ARID1B: variants seen among roughly 807,000 people sequenced by gnomAD.
ARID1B encodes AT-rich interactive domain-containing protein 1B.
A neutral mutation model predicts 212.3 loss-of-function variants in ARID1B; 30 were observed. That is an observed-to-expected ratio of 0.14 (90% CI 0.11 to 0.19). The LOEUF (loss-of-function observed/expected upper bound fraction) is 0.19, where lower values mean the gene tolerates loss of function less well. Among genes scored for constraint, ARID1B ranks in the 10% least tolerant of loss-of-function variants. The pLI is 1.00. For synonymous variants in ARID1B, 1,402 were observed against 1,301.7 expected, an observed-to-expected ratio of 1.08 and a Z score of -1.66; for missense variants, 2,891 against 3,204.0, an observed-to-expected ratio of 0.90 and a Z score of 2.36.
chr6:157,060,278 CAG>C (rs749021950), intron 4 of ARID1B, among the ~76,000 whole-genome samples: 3 of 152,184 alleles, frequency 2.0e-5, no homozygotes, highest in Non-Finnish European at 4.4e-5. Flanking sequence ...GATGGTAAAG[CAG>C]AGAGTGTTCA....
At chr6:157,077,087 A>G (rs528980709) in intron 4 of ARID1B, among the ~76,000 whole-genome samples, 3 of 152,346 alleles carry the variant, frequency 2.0e-5, no homozygotes, top group South Asian at 4.1e-4. Context: ...TCAGATGACT[A>G]TGTCGATCCT....
At chr6:156,940,110 AG>A (rs1421794219) in intron 4 of ARID1B, 1 of 152,200 alleles carries the variant, frequency 6.6e-6, no homozygotes, top group Non-Finnish European at 1.5e-5. Context: ...TATTTCAGAT[AG>A]GAGGTTCATT....
At chr6:156,779,511 C>T (rs1779038892) in intron 1 of ARID1B, 40 bp downstream of exon 1, 10 of 1,274,394 alleles carry the variant, frequency 7.8e-6, no homozygotes, top group Non-Finnish European at 9.9e-6. Flanking sequence ...CGCCCGGCGG[C>T]CTCGCCGCGC....
At chr6:156,897,243 C>CTTATTA (rs1284725803) in intron 2 of ARID1B, among the ~76,000 whole-genome samples, 15 of 103,636 alleles carry the variant, frequency 1.4e-4, no homozygotes, top group African/African-American at 5.4e-4. Context: ...TCTTCTTCTT[C>CTTATTA]TTCTTCTTCT....
Position 157,174,838 on chromosome 6 carries a change from C to A in ARID1B, c.3346-9C>A. The A allele has an allele frequency of 6.8e-7, 1 of 1,478,400 alleles. No individual in the cohort carries two copies. Among genetic ancestry groups the A allele is most frequent in the Non-Finnish European group, 9.0e-7 (1 of 1,112,692 alleles). 91.6% of individuals were successfully genotyped at this position (1,478,400 alleles called of 1,614,324 possible). A position where few individuals can be genotyped will look rare whatever the true frequency, so the allele number is the denominator to read the frequency against. On this transcript the variant is annotated splice_polypyrimidine_tract_variant and intron_variant, in intron 10 of 19. Transcript: ENST00000636930. ...TGTCATTTTTTTTTTTTTTATTCCT[C>A]TACCACAGGATAGCTACAGCTCTCA...
At chr6:156,816,808 T>G (rs1781997047) in intron 1 of ARID1B, among the ~76,000 whole-genome samples, 1 of 152,192 alleles carries the variant, frequency 6.6e-6, no homozygotes, top group South Asian at 2.1e-4. Flanking sequence ...CCTGTCACCT[T>G]GAGGCTAACC....
intron 1 of ARID1B, among the ~76,000 whole-genome samples, chr6:156,820,704 C>T (rs967743164): frequency 9.9e-5 from 15 of 152,214 alleles, no homozygotes; most frequent in Non-Finnish European, 5.9e-5. Flanking sequence ...TGACTTGAAA[C>T]CCCCTGCCTG....
chr6:156,837,407 G>A (rs185180276), intron 2 of ARID1B, among the ~76,000 whole-genome samples: 3 of 152,242 alleles, frequency 2.0e-5, no homozygotes, highest in East Asian at 1.9e-4. Flanking sequence ...AGTGAAGTCC[G>A]GATGGAAACA....
chr6:157,148,258 A>G lies in ARID1B; in HGVS notation c.2762-366A>G, dbSNP rs1181166389. Among the ~76,000 whole-genome samples, 1 of 152,076 alleles carries G rather than the reference A, an allele frequency of 6.6e-6. No homozygotes were observed. Among genetic ancestry groups the G allele is most frequent in the Non-Finnish European group, 1.5e-5 (1 of 68,008 alleles). On this transcript the variant is annotated intron_variant, in intron 7 of 19. Transcript: ENST00000636930. The surrounding 1 kb of genome is among the most constrained non-coding windows in gnomAD (Gnocchi z 5.6). Reference sequence around the variant, plus strand: ...TGTGATCTCAAGAGTGGTGCTCACCATTTTGGTTAAAATATAAGAATATGT... The same window carrying G: ...TGTGATCTCAAGAGTGGTGCTCACCGTTTTGGTTAAAATATAAGAATATGT...
intron 6 of ARID1B, among the ~76,000 whole-genome samples, chr6:157,131,576 T>G (rs555858270): frequency 6.6e-6 from 1 of 152,122 alleles, no homozygotes; most frequent in Non-Finnish European, 1.5e-5. Context: ...GGGAGAAAGC[T>G]CTAGGAAATG....
At chr6:156,916,946 A>AG (rs954866415) in intron 3 of ARID1B, among the ~76,000 whole-genome samples, 5 of 152,214 alleles carry the variant, frequency 3.3e-5, no homozygotes, top group African/African-American at 1.2e-4. Context: ...GGCCGCAGAC[A>AG]GGGGGCTGTC....
intron 1 of ARID1B, among the ~76,000 whole-genome samples, chr6:156,804,115 C>T (rs965711911): frequency 3.3e-5 from 5 of 151,728 alleles, no homozygotes; most frequent in African/African-American, 1.2e-4. Flanking sequence ...ACTGGCTGAT[C>T]AGTTGAGGTC....
chr6:156,920,393 TG>T (rs1490670555), intron 3 of ARID1B, among the ~76,000 whole-genome samples: 2 of 152,258 alleles, frequency 1.3e-5, no homozygotes, highest in East Asian at 1.9e-4. Context: ...TTTCCTGGAT[TG>T]TTTTTTTGCT....
intron 1 of ARID1B, among the ~76,000 whole-genome samples, chr6:156,821,059 A>G (rs922318054): frequency 1.3e-5 from 2 of 152,242 alleles, no homozygotes; most frequent in African/African-American, 4.8e-5. Context: ...TTGATGGTTG[A>G]TGTCAAGCTA....
chr6:156,903,564 G>A (rs1187461939), intron 3 of ARID1B, among the ~76,000 whole-genome samples: 6 of 152,098 alleles, frequency 3.9e-5, no homozygotes, highest in Non-Finnish European at 8.8e-5. Flanking sequence ...GAGTTGGATG[G>A]GAGATAGATT....
At chr6:157,197,421 A>G (rs1793804023) in intron 16 of ARID1B, among the ~76,000 whole-genome samples, 1 of 152,220 alleles carries the variant, frequency 6.6e-6, no homozygotes, top group Non-Finnish European at 1.5e-5. Context: ...TCCTCAGTGT[A>G]ATACAAAGGA....
chr6:156,897,760 C>G (rs182987827), intron 2 of ARID1B, among the ~76,000 whole-genome samples: 4 of 152,196 alleles, frequency 2.6e-5, no homozygotes, highest in African/African-American at 9.6e-5. Context: ...GCCAAGGACA[C>G]CGTGCTGCTG....
chr6:157,161,431 G>GTATA (rs199731974), intron 8 of ARID1B, among the ~76,000 whole-genome samples: 2,037 of 139,380 alleles, frequency 0.015, 34 homozygotes, highest in Admixed American at 0.018. Flanking sequence ...TTGTGTGTGT[G>GTATA]TATATATATA....
At chr6:156,838,917 G>C (rs1185903431) in intron 2 of ARID1B, among the ~76,000 whole-genome samples, 1 of 151,804 alleles carries the variant, frequency 6.6e-6, no homozygotes, top group Non-Finnish European at 1.5e-5. Flanking sequence ...TTTTCAATTA[G>C]TATATTACCT....
Sources: gnomAD v4.1 joint callset for allele counts (sites outside exome capture counted in the v4.1 genomes callset) on GRCh38, gnomAD v4.1.1 for gene constraint, Gnocchi (gnomAD v3.1) non-coding constraint, MANE v1.5 for transcripts, NCBI Gene and HGNC (gene_info 2026-07-23, HGNC 2026-07-21) for gene names.